The following RPTOR variants were observed in gnomAD, a reference collection of about 807,000 sequenced individuals.
RPTOR encodes regulatory associated protein of MTOR complex 1, also known as regulatory-associated protein of mTOR.
A neutral mutation model predicts 169.9 loss-of-function variants in RPTOR; 21 were observed. The ratio of observed to expected loss-of-function variants is 0.12; its 90% CI spans 0.09 to 0.18. The LOEUF (loss-of-function observed/expected upper bound fraction) is 0.18, where lower values mean the gene tolerates loss of function less well. RPTOR is among the 10% of genes least tolerant of loss of function. The pLI, the probability that RPTOR is intolerant of heterozygous loss-of-function variation, is 1.00. For synonymous variants in RPTOR, 732 were observed against 753.2 expected, an observed-to-expected ratio of 0.97 and a Z score of 0.46; for missense variants, 1,133 against 1,855.9, an observed-to-expected ratio of 0.61 and a Z score of 7.16.
In RPTOR at chr17:80,883,481, G is replaced by A. The variant is rs2143838513; in HGVS notation, c.1647G>A (p.Gly549=). 6.2e-7 allele frequency: 1 copy of A among 1,614,028 alleles called. No homozygotes were observed. Among genetic ancestry groups the A allele is most frequent in the South Asian group, 1.1e-5 (1 of 91,080 alleles). ...LAVIVNSYHT[G]QEACLQGNLI... ...TGATCGTCAACAGCTATCACACGGG[G>A]CAGGTGAGCCCCCCAGCCACCCCCA... Residue 549 remains glycine (G), a synonymous_variant, in exon 15 of 34, where the codon GGG becomes GGA. Transcript: ENST00000306801.
At chr17:80,891,922 C>A (rs1307897331) in intron 18 of RPTOR, 85 bp downstream of exon 18, 2 of 907,536 alleles carry the variant, frequency 2.2e-6, no homozygotes, top group African/African-American at 1.7e-5. Flanking sequence ...CTCACCCTCG[C>A]AGAGTCTAAG....
At chr17:80,940,248 A>G (rs561147701) in intron 24 of RPTOR, among the ~76,000 whole-genome samples, 2 of 152,264 alleles carry the variant, frequency 1.3e-5, no homozygotes, top group East Asian at 3.8e-4. Context: ...TCCAAATTTT[A>G]AAAATACGGC....
chr17:80,749,177 G>A (rs868469769), intron 5 of RPTOR, among the ~76,000 whole-genome samples: 2 of 6,016 alleles, frequency 3.3e-4, no homozygotes. Context: ...GTGTGTGTTT[G>A]GAGGCCGTGG....
At chr17:80,549,434 C>T (rs1436361801) in intron 1 of RPTOR, among the ~76,000 whole-genome samples, 7 of 152,130 alleles carry the variant, frequency 4.6e-5, no homozygotes, top group South Asian at 2.1e-4. Context: ...CGCAGCCTCC[C>T]GAGTAGCTGG....
At chr17:80,940,901 G>A (rs1049948218) in intron 25 of RPTOR, among the ~76,000 whole-genome samples, 2 of 152,204 alleles carry the variant, frequency 1.3e-5, no homozygotes, top group Non-Finnish European at 2.9e-5. Context: ...CCTCTGCAAG[G>A]GCAGCCCTCA....
intron 3 of RPTOR, among the ~76,000 whole-genome samples, chr17:80,691,528 T>TA (rs746314055): frequency 7.9e-5 from 12 of 152,160 alleles, no homozygotes; most frequent in Non-Finnish European, 1.5e-4. Flanking sequence ...ATGCATGACT[T>TA]ACTCTATTCG....
intron 25 of RPTOR, among the ~76,000 whole-genome samples, chr17:80,944,311 CCTT>C (rs2144048565): frequency 6.6e-6 from 1 of 152,324 alleles, no homozygotes; most frequent in Non-Finnish European, 1.5e-5. Flanking sequence ...CATGTCTCCT[CCTT>C]AAGTCTGTTA....
intron 13 of RPTOR, among the ~76,000 whole-genome samples, chr17:80,866,713 A>C (rs536379483): frequency 9.2e-5 from 14 of 152,218 alleles, no homozygotes; most frequent in African/African-American, 3.1e-4. Context: ...CATACCACTC[A>C]CTGAGGAAGA....
intron 1 of RPTOR, among the ~76,000 whole-genome samples, chr17:80,613,861 G>A (rs1182456140): frequency 6.6e-6 from 1 of 152,116 alleles, no homozygotes; most frequent in African/African-American, 2.4e-5. Flanking sequence ...GGGCTGGGCC[G>A]CGTGTTCTGG....
chr17:80,630,903 A>C (rs933425222), intron 2 of RPTOR, among the ~76,000 whole-genome samples: 1 of 151,758 alleles, frequency 6.6e-6, no homozygotes, highest in Non-Finnish European at 1.5e-5. Context: ...CAGGCTGTGG[A>C]GTGGTGGGAG....
At chr17:80,723,655 C>T (rs1473839191) in intron 4 of RPTOR, among the ~76,000 whole-genome samples, 2 of 151,272 alleles carry the variant, frequency 1.3e-5, no homozygotes, top group South Asian at 4.1e-4. Flanking sequence ...TCTTTGTGTG[C>T]TCGTTACTAC....
chr17:80,759,326 C>A (rs188030488), intron 6 of RPTOR, among the ~76,000 whole-genome samples: 14 of 152,282 alleles, frequency 9.2e-5, no homozygotes, highest in African/African-American at 3.4e-4. Flanking sequence ...CCAGTAGCCC[C>A]TGAAATCCTT....
chr17:80,822,211 C>A lies in RPTOR; in HGVS notation c.901C>A (p.Arg301Ser). The A allele has an allele frequency of 6.2e-7, 1 of 1,614,150 alleles. No individual in the cohort carries two copies. ...CCCCTTGTTTTCTAGGATCCCTGGC[C>A]GCCTGAACGACAGGAGGACGCCCCT... The part of the protein sequence containing the change: ...TLDLIEKIPG[R>S]LNDRRTPLGE... Residue 301 changes from arginine to serine, a missense_variant, in exon 8 of 34, where the codon CGC becomes AGC. Physicochemically the swap from Arg to Ser is moderately radical, Grantham distance 110. Around this residue, in one of 9 missense-constraint regions of RPTOR, gnomAD observed 289 missense variants for 585.8 expected, o/e 0.49. Transcript: ENST00000306801.
At position 80,545,407 on chromosome 17, in the gene RPTOR, T is replaced by A; in HGVS notation, c.-223T>A. On this transcript the variant is annotated 5_prime_UTR_variant, in exon 1 of 34. Coordinates refer to ENST00000306801, the MANE Select transcript of RPTOR (RefSeq NM_020761.3). ...TGTGTGTCTGCGGAGCTTCTTGGGC[T>A]GCCCCATTTCCTAGCGGCCCCCACC... 4.5e-6 allele frequency: 2 copies of A among 447,288 alleles called. No homozygotes were observed. The highest frequency in any genetic ancestry group is 7.9e-5 in the Admixed American group (2 of 25,468). The allele number at this position is 447,288 out of a possible 1,614,324, so 27.7% of individuals were successfully genotyped here.
chr17:80,754,867 T>C lies in RPTOR; in HGVS notation c.830+682T>C, dbSNP rs2066664413. On this transcript the variant is annotated intron_variant, in intron 6 of 33. Transcript: ENST00000306801. This position sits in a 1 kb window ranked among gnomAD's most constrained non-coding sequence, Gnocchi z 4.2. Reference sequence around the variant, plus strand: ...GTCGTGGCTGTTACCGGCTAGTAGATAAATACCTCTCCCTTGAGGTGCCGT... The same window carrying C: ...GTCGTGGCTGTTACCGGCTAGTAGACAAATACCTCTCCCTTGAGGTGCCGT... 1.3e-5 allele frequency among the ~76,000 whole-genome samples: 2 copies of C among 152,200 alleles called. No homozygotes were observed. Among genetic ancestry groups the C allele is most frequent in the Admixed American group, 1.3e-4 (2 of 15,278 alleles).
intron 1 of RPTOR, among the ~76,000 whole-genome samples, chr17:80,623,576 C>T (rs2065371228): frequency 6.6e-6 from 1 of 151,828 alleles, no homozygotes; most frequent in South Asian, 2.1e-4. Flanking sequence ...TGCTCTATTG[C>T]CCAGGTTGGA....
At chr17:80,600,232 G>A (rs2065175385) in intron 1 of RPTOR, among the ~76,000 whole-genome samples, 1 of 152,162 alleles carries the variant, frequency 6.6e-6, no homozygotes, top group African/African-American at 2.4e-5. Context: ...CTCTTTATGG[G>A]TGTGGCTTGT....
intron 7 of RPTOR, among the ~76,000 whole-genome samples, chr17:80,797,320 GT>G (rs1598310352): frequency 6.6e-6 from 1 of 151,886 alleles, no homozygotes; most frequent in Non-Finnish European, 1.5e-5. Context: ...GGGTTGTTTG[GT>G]TTTTTTTGTA....
intron 13 of RPTOR, among the ~76,000 whole-genome samples, chr17:80,873,931 CAT>C (rs1459296743): frequency 6.6e-6 from 1 of 152,142 alleles, no homozygotes; most frequent in Admixed American, 6.5e-5. Flanking sequence ...GAGATACAGA[CAT>C]GTGGACCCAA....
Sources: allele counts gnomAD v4.1 joint callset (sites outside exome capture counted in the v4.1 genomes callset), GRCh38; gene constraint gnomAD v4.1.1; regional missense constraint gnomAD v4.1.1; non-coding constraint Gnocchi (gnomAD v3.1); transcripts MANE v1.5; gene names NCBI Gene and HGNC (gene_info 2026-07-23, HGNC 2026-07-21).